CSMD1: variants seen among roughly 807,000 people sequenced by gnomAD.
The protein encoded by CSMD1 is CUB and sushi domain-containing protein 1.
CSMD1 carries 213 observed loss-of-function variants against 417.5 expected under a neutral mutation model. The observed-to-expected ratio is 0.51, with a 90% confidence interval of 0.46 to 0.57. The LOEUF is 0.57. CSMD1 is among the 20% of genes least tolerant of loss of function. The pLI, the probability that CSMD1 is intolerant of heterozygous loss-of-function variation, is 0.00. For synonymous variants in CSMD1, 2,862 were observed against 1,736.8 expected (o/e 1.65, Z -16.11); for missense variants, 6,923 against 4,529.7 (o/e 1.53, Z -15.17).
At chr8:3,969,037 G>C (rs963941924) in intron 5 of CSMD1, among the ~76,000 whole-genome samples, 2 of 152,164 alleles carry the variant, frequency 1.3e-5, no homozygotes, top group African/African-American at 2.4e-5. Context: ...GATCACTTGA[G>C]TTCAGGAGTT....
At chr8:3,005,355 T>C (rs182864602) in intron 52 of CSMD1, among the ~76,000 whole-genome samples, 413 of 152,292 alleles carry the variant, frequency 2.7e-3, no homozygotes, top group African/African-American at 9.5e-3. Flanking sequence ...AAGGAGGAAC[T>C]GGTACCATTC....
chr8:3,310,870 A>G (rs184951813), intron 23 of CSMD1, among the ~76,000 whole-genome samples: 1 of 151,748 alleles, frequency 6.6e-6, no homozygotes, highest in South Asian at 2.1e-4. Flanking sequence ...TCAAGGGGCA[A>G]AAGAAATCTG....
intron 6 of CSMD1, among the ~76,000 whole-genome samples, chr8:3,736,219 T>TTG (rs967789589): frequency 1.3e-4 from 20 of 151,952 alleles, no homozygotes; most frequent in Non-Finnish European, 2.1e-4. Flanking sequence ...CACTCAACAT[T>TTG]TGTGTGTGTG....
At chr8:4,454,496 A>G (rs971756160) in intron 2 of CSMD1, among the ~76,000 whole-genome samples, 3 of 152,170 alleles carry the variant, frequency 2.0e-5, no homozygotes, top group East Asian at 1.9e-4. Context: ...CTAGTCACAT[A>G]TACAATCCTT....
At chr8:4,735,938 C>A (rs1331721495) in intron 1 of CSMD1, among the ~76,000 whole-genome samples, 2 of 152,168 alleles carry the variant, frequency 1.3e-5, no homozygotes, top group Non-Finnish European at 2.9e-5. Flanking sequence ...CCACCGGTTG[C>A]AACATAAAAA....
chr8:3,955,460 A>T (rs1459656791), intron 5 of CSMD1, among the ~76,000 whole-genome samples: 4 of 152,212 alleles, frequency 2.6e-5, no homozygotes, highest in Non-Finnish European at 5.9e-5. Flanking sequence ...GTAGAAATAA[A>T]GTAGAATTTT....
At chr8:3,428,529 G>A (rs907644401) in intron 12 of CSMD1, among the ~76,000 whole-genome samples, 2 of 152,128 alleles carry the variant, frequency 1.3e-5, no homozygotes, top group African/African-American at 4.8e-5. Context: ...GACTTTCATA[G>A]CAACCCTTAA....
intron 30 of CSMD1, among the ~76,000 whole-genome samples, chr8:3,207,149 TTC>T (rs1216539360): frequency 9.5e-4 from 100 of 105,792 alleles, no homozygotes; most frequent in Middle Eastern, 6.0e-3. Flanking sequence ...TTTTTTCATT[TTC>T]TTTTTTTTTT....
intron 1 of CSMD1, among the ~76,000 whole-genome samples, chr8:4,909,872 A>C (rs1373408930): frequency 3.9e-5 from 6 of 152,168 alleles, no homozygotes; most frequent in Non-Finnish European, 8.8e-5. Flanking sequence ...CAGAGAAGTC[A>C]TTGATTTGGG....
At chr8:4,859,404 A>G (rs1801995590) in intron 1 of CSMD1, among the ~76,000 whole-genome samples, 1 of 152,214 alleles carries the variant, frequency 6.6e-6, no homozygotes, top group Non-Finnish European at 1.5e-5. Flanking sequence ...ACAAAAGAAA[A>G]AATTGACAAA....
chr8:3,635,874 A>C (rs1044738945), intron 7 of CSMD1, among the ~76,000 whole-genome samples: 1 of 151,758 alleles, frequency 6.6e-6, no homozygotes. Context: ...CTACATTTGT[A>C]ACACAAAATA....
intron 2 of CSMD1, among the ~76,000 whole-genome samples, chr8:4,574,454 C>G (rs1030024321): frequency 6.6e-6 from 1 of 152,168 alleles, no homozygotes; most frequent in African/African-American, 2.4e-5. Context: ...TGGGCTGCAC[C>G]TACTTTCTAA....
intron 1 of CSMD1, among the ~76,000 whole-genome samples, chr8:4,879,413 T>C (rs1046590571): frequency 2.6e-5 from 4 of 152,088 alleles, no homozygotes; most frequent in Non-Finnish European, 5.9e-5. Flanking sequence ...AATGAATTGA[T>C]ATGAAGAAGA....
chr8:3,091,723 T>G, intron 47 of CSMD1, 61 bp from the exon 48 acceptor site: 1 of 1,476,188 alleles, frequency 6.8e-7, no homozygotes, highest in Non-Finnish European at 9.1e-7. Context: ...AAATGCATAC[T>G]AGGTTTAGCT....
chr8:3,336,027 C>A (rs1414433308), intron 23 of CSMD1, among the ~76,000 whole-genome samples: 2 of 152,120 alleles, frequency 1.3e-5, no homozygotes, highest in Non-Finnish European at 2.9e-5. Context: ...ACATTTCTCC[C>A]ATAGGACTGT....
intron 8 of CSMD1, among the ~76,000 whole-genome samples, chr8:3,595,260 A>C (rs1257134114): frequency 1.3e-5 from 2 of 152,176 alleles, no homozygotes; most frequent in African/African-American, 4.8e-5. Flanking sequence ...CTAGGGAAAC[A>C]ATGTCCCATT....
chr8:3,070,179 G>T (rs141146739), intron 49 of CSMD1, among the ~76,000 whole-genome samples: 12 of 152,180 alleles, frequency 7.9e-5, no homozygotes, highest in Admixed American at 5.9e-4. Flanking sequence ...TGCCATAAAG[G>T]TCTCTGAAAT....
intron 6 of CSMD1, among the ~76,000 whole-genome samples, chr8:3,751,404 C>T (rs1413593554): frequency 1.4e-5 from 2 of 145,538 alleles, no homozygotes; most frequent in African/African-American, 5.0e-5. Context: ...AAATATAATA[C>T]AATAAATTTA....
chr8:3,205,312 T>C (rs1004007499), intron 31 of CSMD1, among the ~76,000 whole-genome samples, 192 bp downstream of exon 31: 1 of 152,224 alleles, frequency 6.6e-6, no homozygotes, highest in East Asian at 1.9e-4. Context: ...TGAGCATTAA[T>C]ATCACATTGG....
Sources: allele counts gnomAD v4.1 joint callset (sites outside exome capture counted in the v4.1 genomes callset), GRCh38; gene constraint gnomAD v4.1.1; transcripts MANE v1.5; gene names NCBI Gene and HGNC (gene_info 2026-07-23, HGNC 2026-07-21).